TOGARAM2: variants seen among roughly 807,000 people sequenced by gnomAD.
TOGARAM2 encodes TOG array regulator of axonemal microtubules 2, also known as TOG array regulator of axonemal microtubules protein 2.
Under a neutral mutation model 93.3 loss-of-function variants are expected in TOGARAM2, and 85 were observed. That is an observed-to-expected ratio of 0.91 (90% CI 0.76 to 1.09). The LOEUF (loss-of-function observed/expected upper bound fraction) is 1.09. TOGARAM2 is among the 50% of genes least tolerant of loss of function. The pLI is 0.00. For missense variants in TOGARAM2, 1,277 were observed against 1,334.5 expected (o/e 0.96, Z 0.67); for synonymous variants, 593 against 552.8 (o/e 1.07, Z -1.02).
intron 6 of TOGARAM2, among the ~76,000 whole-genome samples, chr2:29,010,607 C>T (rs985185230): frequency 6.6e-6 from 1 of 152,058 alleles, no homozygotes. Flanking sequence ...TATTGTGTTC[C>T]TGACCTGTTG....
At chr2:29,028,398 C>G (rs982680438) in intron 14 of TOGARAM2, among the ~76,000 whole-genome samples, 1 of 152,156 alleles carries the variant, frequency 6.6e-6, no homozygotes, top group Non-Finnish European at 1.5e-5. Flanking sequence ...GGAGCAGGAC[C>G]GTGGGTCAGA....
intron 1 of TOGARAM2, among the ~76,000 whole-genome samples, chr2:28,968,035 T>C (rs1468604375): frequency 1.3e-5 from 2 of 152,008 alleles, no homozygotes; most frequent in Non-Finnish European, 2.9e-5. Context: ...GCCAGGCTGG[T>C]CTTGAACTCC....
At position 28,959,525 on chromosome 2, in the gene TOGARAM2, G is replaced by A. The variant is rs1671772284; in HGVS notation, c.-147+2828G>A. On this transcript the variant is annotated intron_variant, in intron 1 of 6. Coordinates refer to the TOGARAM2 transcript ENST00000401723. The stretch of plus-strand genomic sequence containing the variant: ...TCCCAGCACTTTGGAAGGCCGAGGG[G>A]GGCGGATCACAAGGTCAGGAAATCA... Among the ~76,000 whole-genome samples, 3 of 152,268 alleles carry A rather than the reference G, an allele frequency of 2.0e-5. No homozygotes were observed. The East Asian group carries it at 5.8e-4, about 29-fold the overall frequency.
Position 29,036,521 on chromosome 2 carries a change from G to A in TOGARAM2, c.2419-20G>A. ...CCAGCCTGGGTTCCCATGGGCTCTTGGTTTCTGTTTCTTCAATAGGTCTTT... is the reference window on the plus strand; with the variant it reads ...CCAGCCTGGGTTCCCATGGGCTCTTAGTTTCTGTTTCTTCAATAGGTCTTT... On this transcript the variant is annotated intron_variant, in intron 17 of 19. Coordinates refer to ENST00000379558, the MANE Select transcript of TOGARAM2 (RefSeq NM_199280.4). The A allele has an allele frequency of 6.2e-7, 1 of 1,613,424 alleles. No individual in the cohort carries two copies. The highest frequency in any genetic ancestry group is 1.7e-5 in the Admixed American group (1 of 59,952).
intron 18 of TOGARAM2, among the ~76,000 whole-genome samples, chr2:29,044,925 TTATC>T (rs548223696): frequency 6.0e-4 from 92 of 152,140 alleles, no homozygotes; most frequent in African/African-American, 2.0e-3. Flanking sequence ...TCCATCTCTA[TTATC>T]TATCTTCTAT....
intron 10 of TOGARAM2, 26 bp downstream of exon 10, chr2:29,017,982 A>G: frequency 6.4e-7 from 1 of 1,569,192 alleles, no homozygotes. Flanking sequence ...TGGCAGGCAC[A>G]CGTGTCCCTC....
intron 18 of TOGARAM2, among the ~76,000 whole-genome samples, chr2:29,038,953 C>A (rs1344691617): frequency 6.6e-6 from 1 of 152,160 alleles, no homozygotes; most frequent in Non-Finnish European, 1.5e-5. Context: ...GGACTCATTG[C>A]CAGGGAGTAC....
chr2:29,042,339 C>T (rs1275563627), intron 18 of TOGARAM2, among the ~76,000 whole-genome samples: 1 of 152,252 alleles, frequency 6.6e-6, no homozygotes, highest in Non-Finnish European at 1.5e-5. Flanking sequence ...ACCGTGGGAG[C>T]ATGGTCTGGC....
At chr2:28,967,284 G>A (rs909985208) in intron 1 of TOGARAM2, among the ~76,000 whole-genome samples, 3 of 152,090 alleles carry the variant, frequency 2.0e-5, no homozygotes, top group African/African-American at 7.2e-5. Flanking sequence ...AGACCAACCT[G>A]GGCAACATAG....
intron 1 of TOGARAM2, among the ~76,000 whole-genome samples, chr2:28,985,380 G>GTTTTT (rs1672422516): frequency 2.0e-5 from 3 of 148,924 alleles, no homozygotes; most frequent in Non-Finnish European, 4.5e-5. Context: ...TTTTGTTTTT[G>GTTTTT]TTTTAAGTCG....
At position 29,052,221 on chromosome 2, in the gene TOGARAM2, A is replaced by G. The variant is rs1382704478; in HGVS notation, c.*128A>G. On this transcript the variant is annotated 3_prime_UTR_variant, in exon 20 of 20. Transcript: ENST00000379558. ...TGAAGTAGAAATAAAAGAATTACTT[A>G]TTTTTCTAAGGTTTTATTATCTTGT... 1 of 822,386 alleles carries G rather than the reference A, an allele frequency of 1.2e-6. No homozygotes were observed. Among genetic ancestry groups the G allele is most frequent in the Non-Finnish European group, 1.8e-6 (1 of 569,994 alleles). The allele number at this position is 822,386 out of a possible 1,614,324, so 50.9% of individuals were successfully genotyped here.
At chr2:29,011,649 A>G in intron 7 of TOGARAM2, 148 bp downstream of exon 7, 1 of 805,868 alleles carries the variant, frequency 1.2e-6, no homozygotes, top group South Asian at 2.1e-5. Context: ...AAGTCACCGG[A>G]GGTCTAACCG....
At chr2:29,009,197 G>C (rs1664069102) in intron 6 of TOGARAM2, among the ~76,000 whole-genome samples, 1 of 152,156 alleles carries the variant, frequency 6.6e-6, no homozygotes, top group South Asian at 2.1e-4. Flanking sequence ...GGCAGGATGA[G>C]GGCACACTTG....
At chr2:29,005,321 ATGTGTGTGTGAGACCG>A (rs1673655758) in intron 6 of TOGARAM2, among the ~76,000 whole-genome samples, 1 of 89,154 alleles carries the variant, frequency 1.1e-5, no homozygotes, top group African/African-American at 3.8e-5. Context: ...GTATGTGTGC[ATGTGTGTGTGAGACCG>A]TGTGTGTGCA....
chr2:29,009,050 A>AC (rs1664055505), intron 6 of TOGARAM2, among the ~76,000 whole-genome samples: 1 of 152,250 alleles, frequency 6.6e-6, no homozygotes, highest in Admixed American at 6.5e-5. Context: ...TGCCAGGTGC[A>AC]TAGGTCACAA....
chr2:28,977,752 G>C (rs1441729398), upstream of TOGARAM2, among the ~76,000 whole-genome samples: 1 of 152,004 alleles, frequency 6.6e-6, no homozygotes, highest in Non-Finnish European at 1.5e-5. Flanking sequence ...GGGGCGGGCA[G>C]TTACAGTCAG....
In TOGARAM2 at chr2:29,022,854, C is replaced by T. The variant is rs1231314902; in HGVS notation, c.1512-232C>T. On this transcript the variant is annotated intron_variant, in intron 11 of 19. Coordinates refer to ENST00000379558, the MANE Select transcript of TOGARAM2 (RefSeq NM_199280.4). ...GAGGGGGGTGGGCTTCCATACAGCA[C>T]TGTCAGAGCTGAGGGCTGGCCAGAG... is the stretch of plus-strand genomic sequence containing the variant. Among the ~76,000 whole-genome samples, 3 of 152,198 alleles carry T rather than the reference C, an allele frequency of 2.0e-5. No individual in the cohort carries two copies. The East Asian group carries it at 5.8e-4, about 29-fold the overall frequency.
At position 29,017,858 on chromosome 2, in the gene TOGARAM2, AC is replaced by A. The variant is rs762652095; in HGVS notation, c.1263del (p.Asn421LysfsTer7). On this transcript the variant is annotated frameshift_variant, in exon 10 of 20. Transcript: ENST00000379558. LOFTEE classifies it high-confidence loss of function. ...ACTAGGCTGAGCGGCCCATGCAGAA[AC>A]GACGTCAGCATCATCCTGAGGAAGT... ...VPTRLSGPCR[N>X]DVSIILRKWA... 2.7e-5 allele frequency: 44 copies of A among 1,613,574 alleles called. No homozygotes were observed. Among genetic ancestry groups the A allele is most frequent in the African/African-American group, 1.5e-4 (11 of 75,060 alleles).
chr2:29,016,409 T>C (rs972692133), intron 8 of TOGARAM2, among the ~76,000 whole-genome samples: 2 of 152,128 alleles, frequency 1.3e-5, no homozygotes, highest in East Asian at 1.9e-4. Flanking sequence ...CTTAGAGAAA[T>C]GGAAGTTAGA....
Sources: allele counts gnomAD v4.1 joint callset (sites outside exome capture counted in the v4.1 genomes callset), GRCh38; gene constraint gnomAD v4.1.1; transcripts MANE v1.5; gene names NCBI Gene and HGNC (gene_info 2026-07-23, HGNC 2026-07-21).